The following JMJD1C variants were observed in gnomAD, a reference collection of about 807,000 sequenced individuals.
The protein encoded by JMJD1C is jumonji domain containing 1C.
A neutral mutation model predicts 245.3 loss-of-function variants in JMJD1C; 31 were observed. The observed-to-expected ratio is 0.13, with a 90% CI of 0.09 to 0.17. The LOEUF is 0.17. JMJD1C is among the 10% of genes least tolerant of loss of function. The pLI is 1.00. For missense variants in JMJD1C, 2,691 were observed against 3,000.2 expected (o/e 0.90, Z 2.41); for synonymous variants, 1,057 against 1,017.4 (o/e 1.04, Z -0.74).
intron 2 of JMJD1C, among the ~76,000 whole-genome samples, chr10:63,305,596 A>G (rs1938052341): frequency 7.1e-6 from 1 of 141,074 alleles, no homozygotes; most frequent in Admixed American, 7.3e-5. Flanking sequence ...GCCCCCAAGT[A>G]GCTGGGACTA....
intron 2 of JMJD1C, among the ~76,000 whole-genome samples, chr10:63,282,454 G>A (rs1354205381): frequency 6.6e-6 from 1 of 152,184 alleles, no homozygotes; most frequent in Non-Finnish European, 1.5e-5. Flanking sequence ...TTTGACAGCA[G>A]TGAAATATCA....
intron 1 of JMJD1C, among the ~76,000 whole-genome samples, chr10:63,387,697 G>A (rs1337418207): frequency 5.3e-5 from 7 of 132,786 alleles, no homozygotes; most frequent in South Asian, 2.3e-4. Context: ...GTGCAGTGGC[G>A]TGATCTCAGC....
chr10:63,210,166 A>G (rs1847152696), intron 8 of JMJD1C, among the ~76,000 whole-genome samples: 1 of 152,200 alleles, frequency 6.6e-6, no homozygotes, highest in African/African-American at 2.4e-5. Context: ...TAAGGATCAA[A>G]TATGTGTCTC....
In JMJD1C at chr10:63,348,912, C is replaced by A. The variant is rs570777158; in HGVS notation, c.333+31406G>T. 1.1e-4 allele frequency among the ~76,000 whole-genome samples: 17 copies of A among 151,962 alleles called. No individual in the cohort carries two copies. In the East Asian group the frequency reaches 3.3e-3, roughly 29 times the overall value. ...GGTCAGGAGTTTGGGATCAGCCTGG[C>A]CAACATGGTGAAACCCCGTCTCTAC... On this transcript the variant is annotated intron_variant, in intron 2 of 25. Coordinates refer to ENST00000399262, the MANE Select transcript of JMJD1C (RefSeq NM_032776.3).
chr10:63,374,549 T>C (rs534884344), intron 2 of JMJD1C, among the ~76,000 whole-genome samples: 1 of 152,324 alleles, frequency 6.6e-6, no homozygotes, highest in African/African-American at 2.4e-5. Context: ...AGATAGATTT[T>C]TGTGGCTTTC....
intron 2 of JMJD1C, among the ~76,000 whole-genome samples, chr10:63,281,333 G>GT (rs113174517): frequency 0.14 from 20,360 of 144,092 alleles, 3,281 homozygotes; most frequent in African/African-American, 0.4. Flanking sequence ...TTTGTTTTTT[G>GT]TTTTTTTAGT....
chr10:63,516,319 T>C (rs1162084240), intron 1 of JMJD1C, among the ~76,000 whole-genome samples: 1 of 152,152 alleles, frequency 6.6e-6, no homozygotes, highest in Non-Finnish European at 1.5e-5. Flanking sequence ...AGACTAATTT[T>C]TCACTGTTCC....
chr10:63,411,905 A>ATT (rs1174450794), intron 1 of JMJD1C, among the ~76,000 whole-genome samples: 26 of 126,180 alleles, frequency 2.1e-4, no homozygotes, highest in East Asian at 9.4e-4. Context: ...GCCTGGCCCA[A>ATT]TTTTTTTTTT....
intron 2 of JMJD1C, among the ~76,000 whole-genome samples, chr10:63,337,618 G>GAAAAGAAAAGAAAAAGA (rs1942948197): frequency 1.3e-5 from 1 of 77,648 alleles, no homozygotes; most frequent in African/African-American, 9.8e-5. Flanking sequence ...GAAAAGAAAA[G>GAAAAGAAAAGAAAAAGA]AAAAGAAAAA....
intron 1 of JMJD1C, chr10:63,465,258 C>A: frequency 4.0e-6 from 2 of 503,114 alleles, no homozygotes; most frequent in Non-Finnish European, 6.9e-6. Flanking sequence ...GGGGCCAGGG[C>A]AGCCTCCGCG....
At chr10:63,499,060 TTTTTC>T (rs1249314753) in intron 1 of JMJD1C, among the ~76,000 whole-genome samples, 1 of 152,224 alleles carries the variant, frequency 6.6e-6, no homozygotes, top group Admixed American at 6.5e-5. Context: ...TATTTCCTTC[TTTTTC>T]TAAGTCTAAA....
At chr10:63,405,761 C>T (rs1949133056) in intron 1 of JMJD1C, among the ~76,000 whole-genome samples, 1 of 152,264 alleles carries the variant, frequency 6.6e-6, no homozygotes, top group African/African-American at 2.4e-5. Flanking sequence ...AAAGTAGTAA[C>T]TCTAGTAGTA....
chr10:63,355,252 T>C (rs1944734925), intron 2 of JMJD1C, among the ~76,000 whole-genome samples: 1 of 152,198 alleles, frequency 6.6e-6, no homozygotes. Flanking sequence ...ATCACCTGGT[T>C]TCAAGATGTT....
chr10:63,423,078 C>T (rs1440331787), intron 1 of JMJD1C, among the ~76,000 whole-genome samples: 1 of 151,968 alleles, frequency 6.6e-6, no homozygotes, highest in East Asian at 1.9e-4. Flanking sequence ...AATTCTCCAG[C>T]CTCAGCCTCC....
rs779638094 is a variant in JMJD1C at position 63,168,545 on chromosome 10, T to C, written c.7423A>G (p.Ile2475Val). 7.5e-6 allele frequency: 12 copies of C among 1,600,950 alleles called. No individual in the cohort carries two copies. In the Admixed American group the frequency reaches 1.8e-4, roughly 23 times the overall value. ...LHQVQNFHSC[I>V]QVTEDFVSPE... is the part of the protein sequence containing the mutation. ...GACACAAAATCTTCAGTTACCTGAA[T>C]ACAGCTGTGAAAATTCTGAACCTAT... Residue 2475 changes from isoleucine (I) to valine (V), a missense_variant, in exon 25 of 26, where the codon ATT (isoleucine) becomes GTT (valine). Physicochemically the swap from Ile to Val is conservative, Grantham distance 29. Transcript: ENST00000399262.
chr10:63,344,396 G>A (rs1476141110), intron 2 of JMJD1C, among the ~76,000 whole-genome samples: 1 of 152,048 alleles, frequency 6.6e-6, no homozygotes, highest in Non-Finnish European at 1.5e-5. Flanking sequence ...AAACCATCTT[G>A]GTTTGTGTAA....
intron 2 of JMJD1C, among the ~76,000 whole-genome samples, chr10:63,296,013 A>AAATTTTTTT (rs1554877208): frequency 1.2e-5 from 1 of 84,284 alleles, no homozygotes; most frequent in Admixed American, 1.3e-4. Flanking sequence ...GTATATATAT[A>AAATTTTTTT]TTTTTTTTTT....
chr10:63,387,399 G>A (rs1947691934), intron 1 of JMJD1C, among the ~76,000 whole-genome samples: 1 of 151,718 alleles, frequency 6.6e-6, no homozygotes, highest in Non-Finnish European at 1.5e-5. Flanking sequence ...GTTACACTGA[G>A]ACACAAAGAA....
Position 63,208,512 on chromosome 10 carries a change from C to A in JMJD1C, c.3157G>T (p.Ala1053Ser). The A allele has an allele frequency of 6.2e-7, 1 of 1,614,002 alleles. No homozygotes were observed. The highest frequency in any genetic ancestry group is 8.5e-7 in the Non-Finnish European group (1 of 1,179,954). Residue 1053 changes from alanine to serine, a missense_variant, in exon 10 of 26, where the codon GCA (alanine) becomes TCA (serine). Around this residue, in one of 9 missense-constraint regions of JMJD1C, gnomAD observed 1,562 missense variants for 1,490.7 expected, o/e 1.05. Coordinates refer to ENST00000399262, the MANE Select transcript of JMJD1C (RefSeq NM_032776.3). ...EGERENYSRV[A>S]SSSSSPKSHI... is the part of the protein sequence containing the mutation. ...CTTTTAGGACTGGAAGATGATGATG[C>A]CACTCTGGAATAATTCTCTCTCTCA...
Sources: gnomAD v4.1 joint callset for allele counts (sites outside exome capture counted in the v4.1 genomes callset) on GRCh38, gnomAD v4.1.1 for gene constraint, gnomAD v4.1.1 regional missense constraint, MANE v1.5 for transcripts, NCBI Gene and HGNC (gene_info 2026-07-23, HGNC 2026-07-21) for gene names.